Variants in ATRNL1 observed in about 807,000 individuals in gnomAD.
ATRNL1 encodes attractin-like protein 1.
In ATRNL1, 95 loss-of-function variants were observed where a neutral mutation model predicts 182.7. The observed-to-expected ratio is 0.52, with a 90% CI of 0.44 to 0.62. ATRNL1 has a LOEUF of 0.62. Among genes scored for constraint, ATRNL1 ranks in the 20% least tolerant of loss-of-function variants. The probability of loss-of-function intolerance (pLI) is 0.00; values close to 1 mark genes in which losing one functional copy is unlikely to be tolerated. For missense variants in ATRNL1, 1,471 were observed against 1,679.5 expected (o/e 0.88, Z 2.17); for synonymous variants, 576 against 568.3 (o/e 1.01, Z -0.19).
chr10:115,916,147 C>G (rs1952843033), intron 28 of ATRNL1, among the ~76,000 whole-genome samples: 1 of 152,204 alleles, frequency 6.6e-6, no homozygotes, highest in Admixed American at 6.5e-5. Context: ...TTTAAATGGA[C>G]CATCTTAAAG....
intron 1 of ATRNL1, among the ~76,000 whole-genome samples, chr10:115,104,049 G>T (rs184988893): frequency 6.6e-6 from 1 of 152,168 alleles, no homozygotes; most frequent in Admixed American, 6.5e-5. Flanking sequence ...TTTCTTTTAG[G>T]TAAATACCTA....
intron 26 of ATRNL1, among the ~76,000 whole-genome samples, chr10:115,704,134 C>T (rs968083185): frequency 1.9e-4 from 29 of 151,914 alleles, no homozygotes; most frequent in African/African-American, 6.5e-4. Context: ...TATTCTTTTA[C>T]GATTCTGGAG....
chr10:115,396,477 A>G (rs1382245174), intron 20 of ATRNL1, among the ~76,000 whole-genome samples: 1 of 152,030 alleles, frequency 6.6e-6, no homozygotes, highest in Non-Finnish European at 1.5e-5. Context: ...TAACTTTTAA[A>G]TAAGAACTCT....
chr10:115,332,722 A>G (rs1855285807), intron 18 of ATRNL1, among the ~76,000 whole-genome samples: 3 of 152,062 alleles, frequency 2.0e-5, no homozygotes, highest in Admixed American at 1.3e-4. Context: ...GTTTCTTCAC[A>G]TGCTAATTCA....
intron 6 of ATRNL1, 148 bp downstream of exon 6, chr10:115,160,362 A>T: frequency 1.5e-6 from 1 of 649,096 alleles, no homozygotes; most frequent in Non-Finnish European, 2.6e-6. Context: ...GAATACATGA[A>T]CTCAGTATGT....
At chr10:115,356,950 G>A (rs1361100192) in intron 19 of ATRNL1, among the ~76,000 whole-genome samples, 1 of 151,748 alleles carries the variant, frequency 6.6e-6, no homozygotes, top group Non-Finnish European at 1.5e-5. Context: ...AGTTCTGTAG[G>A]TAGAATACTA....
At chr10:115,580,436 A>G (rs1854998990) in intron 26 of ATRNL1, among the ~76,000 whole-genome samples, 1 of 151,924 alleles carries the variant, frequency 6.6e-6, no homozygotes, top group Non-Finnish European at 1.5e-5. Context: ...CTGGCCTGTA[A>G]TGTTTCTACT....
At chr10:115,714,825 GA>G (rs1407473837) in intron 26 of ATRNL1, among the ~76,000 whole-genome samples, 1 of 152,146 alleles carries the variant, frequency 6.6e-6, no homozygotes, top group Non-Finnish European at 1.5e-5. Flanking sequence ...AAATATATTA[GA>G]ATAAAGAGAA....
At chr10:115,677,413 C>T (rs570006772) in intron 26 of ATRNL1, among the ~76,000 whole-genome samples, 17 of 152,068 alleles carry the variant, frequency 1.1e-4, no homozygotes, top group African/African-American at 4.1e-4. Context: ...TGGCTGTGCC[C>T]CCACCCAAAT....
chr10:115,266,061 G>C (rs1851595544), intron 11 of ATRNL1, among the ~76,000 whole-genome samples: 1 of 151,600 alleles, frequency 6.6e-6, no homozygotes, highest in Non-Finnish European at 1.5e-5. Flanking sequence ...AAAACCTCCA[G>C]GGTTCTCTGG....
At chr10:115,143,532 T>A (rs1845837637) in intron 5 of ATRNL1, among the ~76,000 whole-genome samples, 1 of 152,186 alleles carries the variant, frequency 6.6e-6, no homozygotes, top group Admixed American at 6.5e-5. Flanking sequence ...ATTAGGTCGC[T>A]TAAACAATTG....
intron 28 of ATRNL1, among the ~76,000 whole-genome samples, chr10:115,885,599 G>A (rs1289463402): frequency 4.6e-5 from 7 of 152,208 alleles, no homozygotes; most frequent in Non-Finnish European, 1.0e-4. Flanking sequence ...AAAACCCACA[G>A]AAGAAAATAG....
At chr10:115,740,511 C>CTATT (rs1948105183) in intron 27 of ATRNL1, among the ~76,000 whole-genome samples, 1 of 151,354 alleles carries the variant, frequency 6.6e-6, no homozygotes. Context: ...ATCTATCTAT[C>CTATT]TATTTTGTTT....
intron 27 of ATRNL1, among the ~76,000 whole-genome samples, chr10:115,782,707 A>G (rs1052059876): frequency 3.9e-5 from 6 of 152,182 alleles, no homozygotes; most frequent in African/African-American, 1.2e-4. Context: ...TACCTCTCTG[A>G]CCTTCAGATT....
intron 28 of ATRNL1, among the ~76,000 whole-genome samples, chr10:115,871,123 C>CT (rs1199121014): frequency 4.0e-5 from 6 of 151,730 alleles, no homozygotes; most frequent in South Asian, 2.1e-4. Context: ...AAAAGTTTTT[C>CT]TTTTTTTTAT....
chr10:115,234,192 G>C (rs1313352308), intron 9 of ATRNL1, among the ~76,000 whole-genome samples: 1 of 151,998 alleles, frequency 6.6e-6, no homozygotes, highest in East Asian at 1.9e-4. Context: ...TTGTTGTTGA[G>C]TCTGTTTTGG....
At chr10:115,304,354 G>T (rs1022211991) in intron 17 of ATRNL1, among the ~76,000 whole-genome samples, 2 of 152,230 alleles carry the variant, frequency 1.3e-5, no homozygotes, top group East Asian at 3.9e-4. Flanking sequence ...CCTCTGAGAG[G>T]CAACCCATTC....
rs1187050552 is a variant in ATRNL1, at chr10:115,760,328, G to A, written c.3903+32973G>A. On this transcript the variant is annotated intron_variant, in intron 27 of 28. Coordinates refer to ENST00000355044, the MANE Select transcript of ATRNL1 (RefSeq NM_207303.4). ...TGTAATATTCTATAAATTTTATTGT[G>A]ATGACATGACATTTTCCTCCTTCAA... Among the ~76,000 whole-genome samples, 5 of 151,984 alleles carry A rather than the reference G, an allele frequency of 3.3e-5. No individual in the cohort carries two copies. In the East Asian group the frequency reaches 9.7e-4, roughly 29 times the overall value.
At chr10:115,407,435 G>A (rs1844885057) in intron 20 of ATRNL1, among the ~76,000 whole-genome samples, 1 of 151,796 alleles carries the variant, frequency 6.6e-6, no homozygotes, top group Non-Finnish European at 1.5e-5. Flanking sequence ...TTACTTCTAT[G>A]AGATCAACTT....
Sources: allele counts gnomAD v4.1 joint callset (sites outside exome capture counted in the v4.1 genomes callset), GRCh38; gene constraint gnomAD v4.1.1; transcripts MANE v1.5; gene names NCBI Gene and HGNC (gene_info 2026-07-23, HGNC 2026-07-21).